DTD1: variants seen among roughly 807,000 people sequenced by gnomAD.
The protein encoded by DTD1 is D-tyrosyl-tRNA deacylase 1 homolog.
A neutral mutation model predicts 25.6 loss-of-function variants in DTD1; 13 were observed. The ratio of observed to expected loss-of-function variants is 0.51; its 90% CI spans 0.33 to 0.81. The LOEUF is 0.81. Among genes scored for constraint, DTD1 ranks in the 30% least tolerant of loss-of-function variants. DTD1 has a pLI of 0.02. For synonymous variants in DTD1, 110 were observed against 103.6 expected (o/e 1.06, Z -0.37); for missense variants, 193 against 266.4 (o/e 0.72, Z 1.92).
intron 4 of DTD1, among the ~76,000 whole-genome samples, chr20:18,685,448 G>A (rs1162274735): frequency 6.6e-6 from 1 of 152,168 alleles, no homozygotes; most frequent in Non-Finnish European, 1.5e-5. Flanking sequence ...TGTGGCCATG[G>A]GTGGCTGTGT....
intron 4 of DTD1, chr20:18,632,566 T>A: frequency 1.0e-6 from 1 of 985,124 alleles, no homozygotes; most frequent in South Asian, 4.7e-5. Context: ...TACTGATAGA[T>A]AAACACGTGT....
chr20:18,695,590 CCCTCCCCTCCCCT>C (rs2061072840), intron 4 of DTD1, among the ~76,000 whole-genome samples: 1 of 29,506 alleles, frequency 3.4e-5, no homozygotes, highest in African/African-American at 1.7e-4. Context: ...CCCTCCCCTC[CCCTCCCCTCCCCT>C]CCCCCCTTCC....
intron 4 of DTD1, chr20:18,631,365 G>T (rs1459171095): frequency 2.0e-6 from 2 of 985,492 alleles, no homozygotes; most frequent in Non-Finnish European, 2.4e-6. Context: ...TGACTGCTCG[G>T]CTGTGGGTCT....
At chr20:18,698,078 G>T (rs984661407) in intron 4 of DTD1, among the ~76,000 whole-genome samples, 21 of 152,188 alleles carry the variant, frequency 1.4e-4, no homozygotes, top group Non-Finnish European at 2.9e-4. Context: ...CAAGAAATGG[G>T]TATGAACACC....
intron 3 of DTD1, among the ~76,000 whole-genome samples, chr20:18,601,904 A>G (rs1257710757): frequency 6.6e-6 from 1 of 150,946 alleles, no homozygotes; most frequent in East Asian, 2.0e-4. Flanking sequence ...CTCACCAGCA[A>G]TGGAACAAAG....
chr20:18,597,607 A>T (rs1320844467), intron 3 of DTD1, among the ~76,000 whole-genome samples: 1 of 152,144 alleles, frequency 6.6e-6, no homozygotes, highest in Non-Finnish European at 1.5e-5. Context: ...TGAACATTTT[A>T]TGTAAATGGA....
At chr20:18,653,474 A>G (rs1026156689) in intron 4 of DTD1, among the ~76,000 whole-genome samples, 2 of 152,222 alleles carry the variant, frequency 1.3e-5, no homozygotes, top group Non-Finnish European at 2.9e-5. Flanking sequence ...TGAAAGTAAT[A>G]TGTTGATTTT....
chr20:18,719,856 C>G (rs887170250), intron 4 of DTD1, among the ~76,000 whole-genome samples: 3 of 152,176 alleles, frequency 2.0e-5, no homozygotes, highest in African/African-American at 4.8e-5. Context: ...GCATTTTAGG[C>G]AATTGAAATC....
At chr20:18,695,567 C>T (rs1378356099) in intron 4 of DTD1, among the ~76,000 whole-genome samples, 1 of 8,032 alleles carries the variant, frequency 1.2e-4, no homozygotes, top group Non-Finnish European at 3.1e-4. Context: ...TTCTCTTCCC[C>T]TCCATTCCCC....
At position 18,764,601 on chromosome 20, in the gene DTD1, A is replaced by G. The variant is rs1490726858; in HGVS notation, c.*1261A>G. On this transcript the variant is annotated 3_prime_UTR_variant, in exon 6 of 6. Transcript: ENST00000377452. ...TACTTCAAATGATAATAAATCAGAAAATGTGGAAAACAAAAAAGCTCAAAA... is the reference window on the plus strand; with the variant it reads ...TACTTCAAATGATAATAAATCAGAAGATGTGGAAAACAAAAAAGCTCAAAA... 6.6e-6 allele frequency: 1 copy of G among 152,236 alleles called. No individual in the cohort carries two copies. Among genetic ancestry groups the G allele is most frequent in the African/African-American group, 2.4e-5 (1 of 41,462 alleles). The allele number at this position is 152,236 out of a possible 1,614,324, so 9.4% of individuals were successfully genotyped here.
chr20:18,687,621 C>T (rs1320288429), intron 4 of DTD1, among the ~76,000 whole-genome samples: 1 of 152,082 alleles, frequency 6.6e-6, no homozygotes, highest in Non-Finnish European at 1.5e-5. Flanking sequence ...ATGGCATAAG[C>T]ATGGCTCACT....
At chr20:18,607,161 G>C (rs1040005178) in intron 3 of DTD1, among the ~76,000 whole-genome samples, 2 of 152,064 alleles carry the variant, frequency 1.3e-5, no homozygotes, top group African/African-American at 2.4e-5. Context: ...CTATTTTGTT[G>C]AGGATTTTTG....
At chr20:18,732,121 C>G (rs2061240717) in intron 4 of DTD1, among the ~76,000 whole-genome samples, 1 of 152,266 alleles carries the variant, frequency 6.6e-6, no homozygotes, top group South Asian at 2.1e-4. Flanking sequence ...TAATTCTTCA[C>G]TGTTCCAAAT....
chr20:18,688,232 C>T (rs550359231), intron 4 of DTD1, among the ~76,000 whole-genome samples: 2 of 152,310 alleles, frequency 1.3e-5, no homozygotes, highest in East Asian at 1.9e-4. Context: ...TACTATGCCA[C>T]GCACTAGGCA....
In DTD1 at chr20:18,593,837, G is replaced by A. The variant is rs777487984; in HGVS notation, c.134+16G>A. On this transcript the variant is annotated intron_variant, in intron 2 of 5. Transcript: ENST00000377452. ...TGGAACACATGTAAGATGCATTTCT[G>A]TCATTGCTGTTTGAGTGGGCTATGT... is the stretch of plus-strand genomic sequence containing the variant. 2.5e-6 allele frequency: 4 copies of A among 1,605,922 alleles called. No individual in the cohort carries two copies. The highest frequency in any genetic ancestry group is 1.7e-5 in the Admixed American group (1 of 59,578).
At chr20:18,754,073 G>C (rs2061330490) in intron 5 of DTD1, among the ~76,000 whole-genome samples, 1 of 152,124 alleles carries the variant, frequency 6.6e-6, no homozygotes. Flanking sequence ...AAAAAATCTT[G>C]GTCCTTTTAA....
chr20:18,760,739 A>T (rs1328653520), intron 5 of DTD1, among the ~76,000 whole-genome samples: 1 of 152,206 alleles, frequency 6.6e-6, no homozygotes, highest in Non-Finnish European at 1.5e-5. Flanking sequence ...GCATGCTGGG[A>T]GAACCACTAC....
At chr20:18,759,201 C>G (rs1022126773) in intron 5 of DTD1, among the ~76,000 whole-genome samples, 1 of 152,142 alleles carries the variant, frequency 6.6e-6, no homozygotes, top group Non-Finnish European at 1.5e-5. Context: ...ATTTGCCAGT[C>G]TGTGTCTTTG....
rs138377559 is a variant in DTD1 at position 18,659,608 on chromosome 20, A to G, written c.477+31375A>G. 7.8e-3 allele frequency among the ~76,000 whole-genome samples: 1,195 copies of G among 152,334 alleles called. 8 individuals carry two copies. The highest frequency in any genetic ancestry group is 0.014 in the Middle Eastern group (4 of 294). On this transcript the variant is annotated intron_variant, in intron 4 of 5. Transcript: ENST00000377452. ...ATGAGTTTATATTCTTTGGAGGGAC[A>G]TGGATGAAGCTGGAAACCATCATCC...
Sources: gnomAD v4.1 joint callset for allele counts (sites outside exome capture counted in the v4.1 genomes callset) on GRCh38, gnomAD v4.1.1 for gene constraint, MANE v1.5 for transcripts, NCBI Gene and HGNC (gene_info 2026-07-23, HGNC 2026-07-21) for gene names.